Variants in TBL1XR1 observed in about 807,000 individuals in gnomAD.
TBL1XR1 encodes F-box-like/WD repeat-containing protein TBL1XR1.
A neutral mutation model predicts 66.9 loss-of-function variants in TBL1XR1; 5 were observed. The observed-to-expected ratio is 0.07, with a 90% CI of 0.04 to 0.16. The LOEUF (loss-of-function observed/expected upper bound fraction) is 0.16. TBL1XR1 is among the 10% of genes least tolerant of loss of function. The probability of loss-of-function intolerance (pLI) is 1.00; values close to 1 mark genes in which losing one functional copy is unlikely to be tolerated. For missense variants in TBL1XR1, 238 were observed against 623.2 expected (o/e 0.38, Z 6.58); for synonymous variants, 210 against 206.0 (o/e 1.02, Z -0.17).
At chr3:177,082,744 A>ATATATATATATATATATATATC (rs1721578821) in intron 2 of TBL1XR1, among the ~76,000 whole-genome samples, 1 of 106,768 alleles carries the variant, frequency 9.4e-6, no homozygotes. Flanking sequence ...GAGATTATAT[A>ATATATATATATATATATATATC]TATATATATA....
Position 177,134,945 on chromosome 3 carries a change from C to CTGTG in TBL1XR1, c.-121-36408_-121-36405dup, listed in dbSNP as rs10662042. 7.6e-3 allele frequency among the ~76,000 whole-genome samples: 978 copies of CTGTG among 129,196 alleles called. 9 individuals carry two copies. The highest frequency in any genetic ancestry group is 0.016 in the Middle Eastern group (4 of 256). The allele number at this position is 129,196 out of a possible 152,430, so 84.8% of individuals were successfully genotyped here. On this transcript the variant is annotated intron_variant, in intron 1 of 15. Transcript: ENST00000457928. ...CTGTATCACTCCTGGCACTGCAAGG[C>CTGTG]TGTGTGTGTGTGTGTGTGTGTCTGT...
chr3:177,134,965 GTC>G (rs1491556801), intron 1 of TBL1XR1, among the ~76,000 whole-genome samples: 2,460 of 139,012 alleles, frequency 0.018, 32 homozygotes, highest in Admixed American at 0.029. Context: ...GTGTGTGTGT[GTC>G]TGTGTGTGTG....
intron 1 of TBL1XR1, among the ~76,000 whole-genome samples, chr3:177,167,150 T>C (rs1183567472): frequency 6.6e-6 from 1 of 152,180 alleles, no homozygotes; most frequent in Non-Finnish European, 1.5e-5. Flanking sequence ...GACAATGGAT[T>C]ATTATTCTAC....
intron 1 of TBL1XR1, among the ~76,000 whole-genome samples, chr3:177,109,968 C>T (rs918260284): frequency 9.9e-5 from 15 of 152,158 alleles, no homozygotes; most frequent in African/African-American, 3.6e-4. Flanking sequence ...TACTGGAAGG[C>T]ATACCTAGAA....
intron 1 of TBL1XR1, among the ~76,000 whole-genome samples, chr3:177,182,753 G>GTCACGGAAAGAAGCCTAATGCTTAATCT (rs1734980816): frequency 2.0e-5 from 3 of 152,180 alleles, no homozygotes; most frequent in African/African-American, 4.8e-5. Context: ...ATTTAAGACT[G>GTCACGGAAAGAAGCCTAATGCTTAATCT]TCACGGAAAG....
intron 14 of TBL1XR1, chr3:177,027,015 T>C (rs1275698099): frequency 1.3e-5 from 2 of 152,556 alleles, no homozygotes; most frequent in East Asian, 3.8e-4. Context: ...CTTTTTTTTC[T>C]TTAGACAGGG....
intron 2 of TBL1XR1, among the ~76,000 whole-genome samples, chr3:177,084,981 T>G (rs1322267225): frequency 6.6e-6 from 1 of 152,226 alleles, no homozygotes; most frequent in Non-Finnish European, 1.5e-5. Context: ...AGCACACTTG[T>G]TCAACACTGT....
chr3:177,124,422 G>A (rs1727357739), intron 1 of TBL1XR1, among the ~76,000 whole-genome samples: 1 of 151,916 alleles, frequency 6.6e-6, no homozygotes, highest in Non-Finnish European at 1.5e-5. Context: ...TCCAATAATT[G>A]GCACTACTTT....
chr3:177,070,083 C>G (rs1719768952), intron 2 of TBL1XR1, among the ~76,000 whole-genome samples: 1 of 152,148 alleles, frequency 6.6e-6, no homozygotes, highest in African/African-American at 2.4e-5. Flanking sequence ...GACTCATAAT[C>G]TCAATTAAGC....
At chr3:177,037,303 G>A (rs1048706192) in intron 12 of TBL1XR1, 1 of 152,174 alleles carries the variant, frequency 6.6e-6, no homozygotes, top group Non-Finnish European at 1.5e-5. Context: ...CTCAACATAT[G>A]ACTTTCTAAT....
At chr3:177,150,673 C>T (rs1475169189) in intron 1 of TBL1XR1, among the ~76,000 whole-genome samples, 3 of 152,226 alleles carry the variant, frequency 2.0e-5, no homozygotes, top group African/African-American at 7.2e-5. Flanking sequence ...TGACTAACCT[C>T]AACTCCCAAA....
At chr3:177,167,583 A>G (rs1732975531) in intron 1 of TBL1XR1, among the ~76,000 whole-genome samples, 1 of 151,982 alleles carries the variant, frequency 6.6e-6, no homozygotes, top group Admixed American at 6.6e-5. Context: ...GGTATGGAAA[A>G]CCTCTGTGTC....
chr3:177,121,793 C>T (rs1297320294), intron 1 of TBL1XR1, among the ~76,000 whole-genome samples: 27 of 151,982 alleles, frequency 1.8e-4, no homozygotes, highest in Non-Finnish European at 2.9e-5. Context: ...TTAAGGCTAC[C>T]TTCATGTCTG....
intron 1 of TBL1XR1, among the ~76,000 whole-genome samples, chr3:177,113,575 A>C (rs892121174): frequency 6.6e-6 from 1 of 152,180 alleles, no homozygotes; most frequent in African/African-American, 2.4e-5. Context: ...TCATGCCTGT[A>C]ATCTTAACAT....
chr3:177,195,321 C>G (rs573226815), intron 1 of TBL1XR1, among the ~76,000 whole-genome samples: 2 of 151,934 alleles, frequency 1.3e-5, no homozygotes, highest in African/African-American at 4.8e-5. Flanking sequence ...CAGGTAAATG[C>G]TAACTATTTC....
intron 1 of TBL1XR1, chr3:177,163,955 AAAG>A (rs961468867): frequency 9.2e-5 from 14 of 152,226 alleles, no homozygotes; most frequent in African/African-American, 3.4e-4. Flanking sequence ...CAAGCACAAA[AAAG>A]AATATATACC....
chr3:177,060,104 C>G (rs1718319652), intron 3 of TBL1XR1, among the ~76,000 whole-genome samples: 1 of 152,164 alleles, frequency 6.6e-6, no homozygotes, highest in Non-Finnish European at 1.5e-5. Flanking sequence ...ACTGATCCAC[C>G]AGTGGCTTCC....
intron 1 of TBL1XR1, among the ~76,000 whole-genome samples, chr3:177,104,118 A>G (rs1724571035): frequency 1.0e-5 from 1 of 98,370 alleles, no homozygotes; most frequent in Admixed American, 1.2e-4. Context: ...TCGGTCTCCA[A>G]AAAAAAAAAA....
chr3:177,068,293 C>T (rs1357658264), intron 2 of TBL1XR1, among the ~76,000 whole-genome samples: 1 of 152,138 alleles, frequency 6.6e-6, no homozygotes, highest in Admixed American at 6.5e-5. Context: ...CTTGTATACT[C>T]ATAAAAGCTT....
Sources: gnomAD v4.1 joint callset for allele counts (sites outside exome capture counted in the v4.1 genomes callset) on GRCh38, gnomAD v4.1.1 for gene constraint, MANE v1.5 for transcripts, NCBI Gene and HGNC (gene_info 2026-07-23, HGNC 2026-07-21) for gene names.